The following PPP2R3A variants were observed in gnomAD, a reference collection of about 807,000 sequenced individuals.
PPP2R3A encodes the protein serine/threonine-protein phosphatase 2A regulatory subunit B'' subunit alpha.
In PPP2R3A, 80 loss-of-function variants were observed where a neutral mutation model predicts 106.9. The ratio of observed to expected loss-of-function variants is 0.75; its 90% confidence interval spans 0.62 to 0.90. The LOEUF (loss-of-function observed/expected upper bound fraction) is 0.90. Ranked by LOEUF, PPP2R3A falls within the 40% of genes least tolerant of loss-of-function variation. The pLI, the probability that PPP2R3A is intolerant of heterozygous loss-of-function variation, is 0.00. For synonymous variants in PPP2R3A, 483 were observed against 468.3 expected, an observed-to-expected ratio of 1.03 and a Z score of -0.41; for missense variants, 1,386 against 1,350.4, an observed-to-expected ratio of 1.03 and a Z score of -0.41.
At chr3:136,129,170 G>C (rs969615571) in intron 13 of PPP2R3A, among the ~76,000 whole-genome samples, 1 of 150,502 alleles carries the variant, frequency 6.6e-6, no homozygotes, top group African/African-American at 2.4e-5. Flanking sequence ...ACTAAGATTA[G>C]AGCAGAACTG....
intron 2 of PPP2R3A, chr3:136,023,261 T>G: frequency 8.1e-7 from 1 of 1,241,336 alleles, no homozygotes; most frequent in South Asian, 1.4e-5. Context: ...ATATTTTTAT[T>G]ACTAATAAAA....
Position 136,002,473 on chromosome 3 carries a change from G to GT in PPP2R3A, c.978dup (p.Gly327TrpfsTer3). 6.2e-7 allele frequency: 1 copy of GT among 1,614,114 alleles called. No individual in the cohort carries two copies. Among genetic ancestry groups the GT allele is most frequent in the South Asian group, 1.1e-5 (1 of 91,080 alleles). ...TACAACTGACTCCCTTCTCCCCAGTGTTTGGCACTGAACAACCCCCTAAAT... is the reference window on the plus strand; with the variant it reads ...TACAACTGACTCCCTTCTCCCCAGTGTTTTGGCACTGAACAACCCCCTAAAT... On this transcript the variant is annotated frameshift_variant, in exon 2 of 14. Coordinates refer to ENST00000264977, the MANE Select transcript of PPP2R3A (RefSeq NM_002718.5). LOFTEE classifies it high-confidence loss of function.
At chr3:136,055,550 T>G in intron 5 of PPP2R3A, 1 of 1,358,452 alleles carries the variant, frequency 7.4e-7, no homozygotes, top group Non-Finnish European at 1.1e-6. Flanking sequence ...CTGACCATGC[T>G]GCTCAAATCT....
intron 3 of PPP2R3A, among the ~76,000 whole-genome samples, chr3:136,039,511 C>T (rs1259237788): frequency 6.6e-6 from 1 of 152,148 alleles, no homozygotes; most frequent in African/African-American, 2.4e-5. Flanking sequence ...AACTGTTCTG[C>T]CTCAGATCCT....
chr3:135,966,342 G>A (rs1937084356), intron 1 of PPP2R3A, among the ~76,000 whole-genome samples: 1 of 152,196 alleles, frequency 6.6e-6, no homozygotes, highest in African/African-American at 2.4e-5. Flanking sequence ...GCCCGACTTG[G>A]CCAAAGAAGG....
chr3:135,999,735 CGTG>C (rs1933547438), intron 1 of PPP2R3A, among the ~76,000 whole-genome samples: 1 of 151,990 alleles, frequency 6.6e-6, no homozygotes, highest in Non-Finnish European at 1.5e-5. Flanking sequence ...CAAGATGACT[CGTG>C]AAAAGTTCAT....
At chr3:136,128,524 T>C (rs1395747972) in intron 13 of PPP2R3A, among the ~76,000 whole-genome samples, 3 of 152,026 alleles carry the variant, frequency 2.0e-5, no homozygotes, top group African/African-American at 7.2e-5. Flanking sequence ...TAAAGCAAGT[T>C]CTCAGAGACC....
intron 3 of PPP2R3A, among the ~76,000 whole-genome samples, chr3:136,040,481 A>T (rs2107844654): frequency 6.6e-6 from 1 of 152,324 alleles, no homozygotes. Flanking sequence ...CAGAGGTTGC[A>T]GTGAGCTGAG....
intron 13 of PPP2R3A, among the ~76,000 whole-genome samples, chr3:136,120,133 C>CGG (rs567774057): frequency 2.9e-5 from 3 of 103,496 alleles, no homozygotes; most frequent in South Asian, 3.1e-4. Context: ...CAGGCCTGTC[C>CGG]GGGGGGGGTG....
At chr3:135,995,215 A>G (rs1348756855) in intron 1 of PPP2R3A, among the ~76,000 whole-genome samples, 1 of 152,158 alleles carries the variant, frequency 6.6e-6, no homozygotes, top group Non-Finnish European at 1.5e-5. Flanking sequence ...GCATAAATAT[A>G]CACATTCAGA....
chr3:135,980,446 CAA>C lies in PPP2R3A; in HGVS notation c.-441+14609_-441+14610del, dbSNP rs35803634. Among the ~76,000 whole-genome samples, 44 of 136,906 alleles carry C rather than the reference CAA, an allele frequency of 3.2e-4. 1 individual carries two copies. The South Asian group carries it at 3.7e-3, about 11-fold the overall frequency. The allele number at this position is 136,906 out of a possible 152,430, so 89.8% of individuals were successfully genotyped here. A position where few individuals can be genotyped will look rare whatever the true frequency, so the allele number is the denominator to read the frequency against. On this transcript the variant is annotated intron_variant, in intron 1 of 13. Coordinates refer to ENST00000264977, the MANE Select transcript of PPP2R3A (RefSeq NM_002718.5). ...TTAAAAAAAGGAGCATAAAATGTTC[CAA>C]AAAAAAAAAAAGTTGGTAAGTGTAT...
intron 3 of PPP2R3A, among the ~76,000 whole-genome samples, chr3:136,039,164 C>T (rs1368173473): frequency 2.6e-5 from 4 of 152,152 alleles, no homozygotes; most frequent in Non-Finnish European, 4.4e-5. Flanking sequence ...CCAGGAGCAG[C>T]TTCACCTAAG....
chr3:136,091,308 G>A (rs959558394), intron 10 of PPP2R3A, among the ~76,000 whole-genome samples: 4 of 152,218 alleles, frequency 2.6e-5, no homozygotes, highest in African/African-American at 4.8e-5. Context: ...ATATTGATTC[G>A]AAAAGTTATC....
chr3:136,013,145 A>T (rs1272734697), intron 2 of PPP2R3A, among the ~76,000 whole-genome samples: 1 of 148,552 alleles, frequency 6.7e-6, no homozygotes, highest in African/African-American at 2.5e-5. Flanking sequence ...TTATGGCTGA[A>T]TAGTATTCCA....
At chr3:136,096,887 G>C (rs1169901185) in intron 10 of PPP2R3A, among the ~76,000 whole-genome samples, 1 of 152,198 alleles carries the variant, frequency 6.6e-6, no homozygotes, top group Non-Finnish European at 1.5e-5. Flanking sequence ...CCCGGGGGTT[G>C]GGGAGGAGGT....
chr3:135,969,679 T>G (rs1937187079), intron 1 of PPP2R3A, among the ~76,000 whole-genome samples: 1 of 152,254 alleles, frequency 6.6e-6, no homozygotes, highest in Non-Finnish European at 1.5e-5. Context: ...AGCAGTAGCC[T>G]ACAGCTGAAT....
chr3:136,040,121 A>G (rs1235642042), intron 3 of PPP2R3A, among the ~76,000 whole-genome samples: 2 of 152,200 alleles, frequency 1.3e-5, no homozygotes, highest in East Asian at 1.9e-4. Flanking sequence ...GGCAAAGGAG[A>G]GAGAAGGAGA....
intron 6 of PPP2R3A, among the ~76,000 whole-genome samples, chr3:136,072,281 C>T (rs867076679): frequency 6.6e-6 from 1 of 152,218 alleles, no homozygotes; most frequent in Middle Eastern, 3.4e-3. Context: ...TGAGTGAATA[C>T]ATGAAATTAT....
chr3:136,101,346 AGTG>A (rs1237739382), intron 10 of PPP2R3A, among the ~76,000 whole-genome samples: 6 of 152,322 alleles, frequency 3.9e-5, no homozygotes, highest in African/African-American at 7.2e-5. Flanking sequence ...GTGTAGGTAA[AGTG>A]GTGACAAATT....
Sources: gnomAD v4.1 joint callset for allele counts (sites outside exome capture counted in the v4.1 genomes callset) on GRCh38, gnomAD v4.1.1 for gene constraint, MANE v1.5 for transcripts, NCBI Gene and HGNC (gene_info 2026-07-23, HGNC 2026-07-21) for gene names.